ZNF519: variants seen among roughly 807,000 people sequenced by gnomAD.
ZNF519 encodes the protein similar to Zinc finger protein 85 (Zinc finger protein HPF4) (HTF1).
A neutral mutation model predicts 7.4 loss-of-function variants in ZNF519; 7 were observed. The ratio of observed to expected loss-of-function variants is 0.94; its 90% CI spans 0.54 to 1.77. The LOEUF is 1.77. ZNF519 is among the 40% of genes most tolerant of loss of function. ZNF519 has a pLI of 0.00. For synonymous variants in ZNF519, 179 were observed against 203.3 expected (o/e 0.88, Z 1.02); for missense variants, 586 against 623.1 (o/e 0.94, Z 0.63).
rs934777798 is a variant in ZNF519, at chr18:14,100,168, T to G, written c.*4749A>C. On this transcript the variant is annotated 3_prime_UTR_variant, in exon 3 of 3. Transcript: ENST00000590202. ...TAAAACAATGTGATATCAATACATA[T>G]CAGTCAGTATGGCTAAGAGGATTTG... is the stretch of plus-strand genomic sequence containing the variant. 6 of 152,172 alleles carry G rather than the reference T, an allele frequency of 3.9e-5. No individual in the cohort carries two copies. Among genetic ancestry groups the G allele is most frequent in the African/African-American group, 1.4e-4 (6 of 41,420 alleles). The allele number at this position is 152,172 out of a possible 1,614,324, so 9.4% of individuals were successfully genotyped here.
At position 14,104,361 on chromosome 18, in the gene ZNF519, C is replaced by CA. The variant is rs1350434781; in HGVS notation, c.*555dup. 1.3e-5 allele frequency: 2 copies of CA among 152,280 alleles called. No homozygotes were observed. The highest frequency in any genetic ancestry group is 6.5e-5 in the Admixed American group (1 of 15,268). The allele number at this position is 152,280 out of a possible 1,614,324, so 9.4% of individuals were successfully genotyped here. The stretch of plus-strand genomic sequence containing the variant: ...GTAAGTCAAACAAAAAGAGCAACTC[C>CA]ATTTAGATTTCATCATACATCCTAT... On this transcript the variant is annotated 3_prime_UTR_variant, in exon 3 of 3. Transcript: ENST00000590202.
chr18:14,095,742 C>CA (rs1433011313), downstream of ZNF519, among the ~76,000 whole-genome samples: 2 of 152,216 alleles, frequency 1.3e-5, no homozygotes, highest in Non-Finnish European at 2.9e-5. Flanking sequence ...AGCTGTAAGA[C>CA]AAAGTCCTGC....
downstream of ZNF519, among the ~76,000 whole-genome samples, chr18:14,096,632 C>G (rs1264214878): frequency 8.5e-5 from 13 of 152,304 alleles, 1 homozygote; most frequent in South Asian, 2.7e-3. Context: ...CCTCCCATCT[C>G]AGTCTCCCGA....
chr18:14,097,566 TAA>T (rs1446954917), downstream of ZNF519, among the ~76,000 whole-genome samples: 1 of 152,216 alleles, frequency 6.6e-6, no homozygotes, highest in Non-Finnish European at 1.5e-5. Context: ...ATATCCTCTA[TAA>T]ATCACATTAG....
chr18:14,124,270 G>A, intron 2 of ZNF519, 80 bp downstream of exon 2: 1 of 1,311,438 alleles, frequency 7.6e-7, no homozygotes, highest in Non-Finnish European at 1.0e-6. Context: ...CAAAGCAGAA[G>A]CTCTCAAGAG....
In ZNF519 at chr18:14,130,848, A is replaced by AG. The variant is rs768250569; in HGVS notation, c.3+1426_3+1427insC. Among the ~76,000 whole-genome samples, 6 of 36,898 alleles carry AG rather than the reference A, an allele frequency of 1.6e-4. No individual in the cohort carries two copies. In the East Asian group the frequency reaches 2.0e-3, roughly 12 times the overall value. 24.2% of individuals were successfully genotyped at this position (36,898 alleles called of 152,430 possible). ...ATGGAATGAAAACTGGGGTTGGGGGAAAAAAAAAAAAAATCTTAAAAATCC... is the reference window on the plus strand; with the variant it reads ...ATGGAATGAAAACTGGGGTTGGGGGAGAAAAAAAAAAAAATCTTAAAAATCC... On this transcript the variant is annotated intron_variant, in intron 1 of 2. Transcript: ENST00000590202.
intron 1 of ZNF519, among the ~76,000 whole-genome samples, chr18:14,131,245 C>T (rs1210999525): frequency 6.6e-6 from 1 of 152,140 alleles, no homozygotes; most frequent in Non-Finnish European, 1.5e-5. Flanking sequence ...TTATTTTCTG[C>T]TTTTTTCTCA....
intron 3 of ZNF519, among the ~76,000 whole-genome samples, chr18:14,079,973 T>C (rs2046063794): frequency 6.6e-6 from 1 of 151,842 alleles, no homozygotes; most frequent in Non-Finnish European, 1.5e-5. Flanking sequence ...AGAAAAGACA[T>C]AGACTGGAGG....
intron 3 of ZNF519, among the ~76,000 whole-genome samples, chr18:14,080,774 A>T (rs2046068049): frequency 6.6e-6 from 1 of 152,242 alleles, no homozygotes; most frequent in Non-Finnish European, 1.5e-5. Context: ...GCTTGGAAGC[A>T]GTCAAGATGC....
At chr18:14,094,766 A>G (rs544484550) in intron 2 of ZNF519, among the ~76,000 whole-genome samples, 5 of 152,024 alleles carry the variant, frequency 3.3e-5, no homozygotes, top group African/African-American at 1.2e-4. Flanking sequence ...TTGTTTTGCT[A>G]TATTTTCAAA....
At chr18:14,107,884 C>T (rs751772509) in intron 2 of ZNF519, among the ~76,000 whole-genome samples, 11 of 152,240 alleles carry the variant, frequency 7.2e-5, no homozygotes, top group East Asian at 1.9e-4. Context: ...CTGAATCTTA[C>T]GGTTTAATTG....
intron 2 of ZNF519, among the ~76,000 whole-genome samples, chr18:14,087,165 T>C (rs1457870078): frequency 6.6e-6 from 1 of 152,016 alleles, no homozygotes; most frequent in African/African-American, 2.4e-5. Context: ...AGATAAAAAC[T>C]GTCAACAGAT....
At chr18:14,091,426 G>A (rs1334152729) in intron 2 of ZNF519, among the ~76,000 whole-genome samples, 1 of 152,108 alleles carries the variant, frequency 6.6e-6, no homozygotes, top group African/African-American at 2.4e-5. Context: ...AGTATCTTTA[G>A]TCACCAAGGA....
chr18:14,113,433 C>T (rs566379668), intron 2 of ZNF519, among the ~76,000 whole-genome samples: 1 of 152,212 alleles, frequency 6.6e-6, no homozygotes, highest in Non-Finnish European at 1.5e-5. Flanking sequence ...ACTGAACCAA[C>T]GTACAACTTA....
chr18:14,075,767 C>G (rs915245926), downstream of ZNF519: 1 of 152,152 alleles, frequency 6.6e-6, no homozygotes, highest in Non-Finnish European at 1.5e-5. Context: ...ACTGATACTT[C>G]TATTCATATT....
intron 2 of ZNF519, among the ~76,000 whole-genome samples, chr18:14,094,893 TAAAAC>T (rs1450163983): frequency 6.6e-6 from 1 of 152,244 alleles, no homozygotes; most frequent in Non-Finnish European, 1.5e-5. Context: ...ATTTACATCT[TAAAAC>T]ATTATTTCAA....
rs71366097 is a variant in ZNF519 at position 14,128,690 on chromosome 18, A to AACACACACACACAC, written c.3+3571_3+3584dup. Among the ~76,000 whole-genome samples the AACACACACACACAC allele has an allele frequency of 5.7e-3, 740 of 130,244 alleles. 8 individuals are homozygous for AACACACACACACAC. The highest frequency in any genetic ancestry group is 0.016 in the East Asian group (44 of 2,742). The allele number at this position is 130,244 out of a possible 152,430, so 85.4% of individuals were successfully genotyped here. A position where few individuals can be genotyped will look rare whatever the true frequency, so the allele number is the denominator to read the frequency against. ...CCTAGATTAAGACAATTCTGAGTCAAACACACACACACACACACACACACA... is the reference window on the plus strand; with the variant it reads ...CCTAGATTAAGACAATTCTGAGTCAAACACACACACACACACACACACACACACACACACACACA... On this transcript the variant is annotated intron_variant, in intron 1 of 2. Coordinates refer to ENST00000590202, the MANE Select transcript of ZNF519 (RefSeq NM_145287.4).
chr18:14,096,173 T>C (rs1399036372), downstream of ZNF519, among the ~76,000 whole-genome samples: 1 of 152,226 alleles, frequency 6.6e-6, no homozygotes, highest in African/African-American at 2.4e-5. Context: ...AAGTCCTTTA[T>C]GTACTTCCCA....
Position 14,105,130 on chromosome 18 carries a change from G to A in ZNF519, c.1410C>T (p.Ile470=), listed in dbSNP as rs772072483. The A allele has an allele frequency of 3.1e-6, 5 of 1,613,608 alleles. No individual in the cohort carries two copies. Among genetic ancestry groups the A allele is most frequent in the Non-Finnish European group, 4.2e-6 (5 of 1,179,866 alleles). ...FKCEECGKAF[I]WGSHLTQHQR... is the part of the protein sequence containing the mutation. ...GATGTTGAGTAAGGTGTGAGCCCCA[G>A]ATAAAAGCTTTGCCACATTCTTCAC... The change falls in exon 3 of 3, where the codon ATC becomes ATT. Residue 470 remains isoleucine (I), a synonymous_variant. Coordinates refer to ENST00000590202, the MANE Select transcript of ZNF519 (RefSeq NM_145287.4).
Sources: allele counts gnomAD v4.1 joint callset (sites outside exome capture counted in the v4.1 genomes callset), GRCh38; gene constraint gnomAD v4.1.1; transcripts MANE v1.5; gene names NCBI Gene and HGNC (gene_info 2026-07-23, HGNC 2026-07-21).